PRKCD: variants seen among roughly 807,000 people sequenced by gnomAD.
PRKCD encodes the protein protein kinase C delta, also known as protein kinase C delta type.
In PRKCD, 20 loss-of-function variants were observed where a neutral mutation model predicts 82.2. That is an observed-to-expected ratio of 0.24 (90% CI 0.17 to 0.35). PRKCD has a LOEUF of 0.35. PRKCD is among the 10% of genes least tolerant of loss of function. The pLI is 1.00. For synonymous variants in PRKCD, 317 were observed against 337.0 expected (o/e 0.94, Z 0.65); for missense variants, 607 against 899.0 (o/e 0.68, Z 4.15).
intron 2 of PRKCD, among the ~76,000 whole-genome samples, chr3:53,173,883 T>G (rs1257326816): frequency 1.3e-5 from 2 of 152,156 alleles, no homozygotes; most frequent in African/African-American, 4.8e-5. Context: ...CTTACCTCCC[T>G]GTTTTCTCTG....
At chr3:53,171,113 C>T (rs1374095130) in intron 2 of PRKCD, among the ~76,000 whole-genome samples, 1 of 152,132 alleles carries the variant, frequency 6.6e-6, no homozygotes, top group Middle Eastern at 3.2e-3. Flanking sequence ...TGGAGAGGCC[C>T]GGCTGCATCC....
At chr3:53,184,119 T>C (rs1253712120) in intron 9 of PRKCD, among the ~76,000 whole-genome samples, 1 of 145,474 alleles carries the variant, frequency 6.9e-6, no homozygotes, top group Admixed American at 6.8e-5. Flanking sequence ...GATCATGAGG[T>C]TAGGAGATCG....
At chr3:53,166,589 C>T (rs1575522961) in intron 2 of PRKCD, among the ~76,000 whole-genome samples, 1 of 152,252 alleles carries the variant, frequency 6.6e-6, no homozygotes, top group Non-Finnish European at 1.5e-5. Flanking sequence ...CACACACACA[C>T]AGATGCTCTC....
chr3:53,174,004 C>G (rs1553665432), intron 2 of PRKCD, among the ~76,000 whole-genome samples: 1 of 152,190 alleles, frequency 6.6e-6, no homozygotes, highest in African/African-American at 2.4e-5. Flanking sequence ...TGGAAAGGAC[C>G]TGGGCTGCAA....
At chr3:53,167,602 A>C (rs1702876531) in intron 2 of PRKCD, among the ~76,000 whole-genome samples, 1 of 152,258 alleles carries the variant, frequency 6.6e-6, no homozygotes, top group Admixed American at 6.5e-5. Context: ...TTGTGCGGAA[A>C]TGACAGATAA....
chr3:53,182,450 G>A (rs1553667900), intron 7 of PRKCD, among the ~76,000 whole-genome samples: 1 of 152,076 alleles, frequency 6.6e-6, no homozygotes, highest in Non-Finnish European at 1.5e-5. Flanking sequence ...TGTATTTTTA[G>A]TAGAATAGGG....
intron 2 of PRKCD, among the ~76,000 whole-genome samples, chr3:53,171,578 C>T (rs1553664934): frequency 6.6e-6 from 1 of 152,220 alleles, no homozygotes; most frequent in East Asian, 1.9e-4. Context: ...ATGTGACTGG[C>T]TCCCACCAGG....
At chr3:53,178,647 C>G in intron 3 of PRKCD, 110 bp downstream of exon 3, 1 of 909,820 alleles carries the variant, frequency 1.1e-6, no homozygotes. Flanking sequence ...TTCTGCTCTT[C>G]CTCATCCTTG....
intron 2 of PRKCD, among the ~76,000 whole-genome samples, chr3:53,170,734 A>G (rs1702993713): frequency 6.6e-6 from 1 of 152,194 alleles, no homozygotes; most frequent in African/African-American, 2.4e-5. Context: ...TTTGGACTTC[A>G]TGGTGCCAGA....
At chr3:53,176,143 C>A (rs868995190) in intron 2 of PRKCD, among the ~76,000 whole-genome samples, 1 of 152,210 alleles carries the variant, frequency 6.6e-6, no homozygotes, top group Non-Finnish European at 1.5e-5. Context: ...AGGTCAAGGG[C>A]AGCTGGCCTG....
chr3:53,192,509 C>A lies in PRKCD; in HGVS notation c.*243C>A. 2.8e-6 allele frequency: 1 copy of A among 355,864 alleles called. No homozygotes were observed. The highest frequency in any genetic ancestry group is 5.2e-6 in the Non-Finnish European group (1 of 191,786). 22.0% of individuals were successfully genotyped at this position (355,864 alleles called of 1,614,324 possible). On this transcript the variant is annotated 3_prime_UTR_variant, in exon 19 of 19. Coordinates refer to ENST00000330452, the MANE Select transcript of PRKCD (RefSeq NM_006254.4). ...TGTTTCATTACTTGAATGTAGTTAT[C>A]TATTGAAAATATATATTATATACAT...
At chr3:53,189,386 C>T in intron 17 of PRKCD, 140 bp downstream of exon 17, 2 of 928,144 alleles carry the variant, frequency 2.2e-6, no homozygotes, top group Non-Finnish European at 3.1e-6. Context: ...CGGGGTATTG[C>T]TCTCTCACCA....
intron 9 of PRKCD, among the ~76,000 whole-genome samples, chr3:53,183,866 T>C (rs1703565348): frequency 6.6e-6 from 1 of 152,230 alleles, no homozygotes; most frequent in Non-Finnish European, 1.5e-5. Flanking sequence ...CAGAGGGTGC[T>C]GAAGCCAGGC....
At position 53,161,437 on chromosome 3, in the gene PRKCD, G is replaced by T. The variant is rs1553662930; in HGVS notation, c.-132+9G>T. 1 of 151,750 alleles carries T rather than the reference G, an allele frequency of 6.6e-6. No homozygotes were observed. The highest frequency in any genetic ancestry group is 2.0e-4 in the East Asian group (1 of 5,120). 9.4% of individuals were successfully genotyped at this position (151,750 alleles called of 1,614,324 possible). On this transcript the variant is annotated intron_variant, in intron 1 of 18. Coordinates refer to ENST00000330452, the MANE Select transcript of PRKCD (RefSeq NM_006254.4). ...TGCCCCTGCAACGGGAGGTAAGTGA[G>T]GGCCGGGTCCGGGCGCGGGATCGGG... is the stretch of plus-strand genomic sequence containing the variant.
At chr3:53,183,022 C>G (rs1703508508) in intron 7 of PRKCD, 99 bp from the exon 8 acceptor site, 1 of 1,232,702 alleles carries the variant, frequency 8.1e-7, no homozygotes, top group Non-Finnish European at 1.2e-6. Context: ...AGAACGGTGG[C>G]TTTGTGTAGA....
At chr3:53,177,708 G>A (rs1703257480) in intron 2 of PRKCD, among the ~76,000 whole-genome samples, 1 of 152,058 alleles carries the variant, frequency 6.6e-6, no homozygotes, top group African/African-American at 2.4e-5. Flanking sequence ...GGGTACTTAG[G>A]GAGTCACTGA....
At position 53,176,731 on chromosome 3, in the gene PRKCD, G is replaced by A. The variant is rs1300498122; in HGVS notation, c.-19-1673G>A. On this transcript the variant is annotated intron_variant, in intron 2 of 18. Transcript: ENST00000330452. ...TTACTGTAGTGAACATTAACTTAGAGAATGGTGAGAAACCCAGGAGTGTGG... is the reference window on the plus strand; with the variant it reads ...TTACTGTAGTGAACATTAACTTAGAAAATGGTGAGAAACCCAGGAGTGTGG... Among the ~76,000 whole-genome samples the A allele has an allele frequency of 3.3e-5, 5 of 152,236 alleles. 1 individual carries two copies. Among genetic ancestry groups the A allele is most frequent in the Non-Finnish European group, 7.3e-5 (5 of 68,042 alleles).
Position 53,181,432 on chromosome 3 carries a change from C to T in PRKCD, c.377-12C>T, listed in dbSNP as rs181439333. 341 of 1,614,116 alleles carry T rather than the reference C, an allele frequency of 2.1e-4. No individual in the cohort carries two copies. The highest frequency in any genetic ancestry group is 2.7e-4 in the Non-Finnish European group (313 of 1,179,988). ...GATACCAGGGCTGACTTCCCTACTC[C>T]ATGGTCACCAGATTGCAAACAGTCT... On this transcript the variant is annotated splice_polypyrimidine_tract_variant and intron_variant, in intron 5 of 18. Coordinates refer to ENST00000330452, the MANE Select transcript of PRKCD (RefSeq NM_006254.4).
intron 1 of PRKCD, among the ~76,000 whole-genome samples, chr3:53,162,736 G>A (rs534612560): frequency 6.6e-6 from 1 of 151,444 alleles, no homozygotes; most frequent in East Asian, 2.0e-4. Flanking sequence ...GCCTGCTAGT[G>A]TGTGTGTCCC....
Sources: gnomAD v4.1 joint callset for allele counts (sites outside exome capture counted in the v4.1 genomes callset) on GRCh38, gnomAD v4.1.1 for gene constraint, MANE v1.5 for transcripts, NCBI Gene and HGNC (gene_info 2026-07-23, HGNC 2026-07-21) for gene names.